The following MRPS28 variants were observed in gnomAD, a reference collection of about 807,000 sequenced individuals.
The protein encoded by MRPS28 is small ribosomal subunit protein bS1m.
In MRPS28, 7 loss-of-function variants were observed where a neutral mutation model predicts 10.8. The ratio of observed to expected loss-of-function variants is 0.65; its 90% confidence interval spans 0.37 to 1.22. MRPS28 has a LOEUF of 1.22. Among genes scored for constraint, MRPS28 ranks in the 50% most tolerant of loss-of-function variants. MRPS28 has a pLI of 0.02. For synonymous variants in MRPS28, 121 were observed against 93.3 expected (o/e 1.30, Z -1.71); for missense variants, 265 against 232.9 (o/e 1.14, Z -0.90).
At chr8:80,029,689 T>C (rs769268719) in intron 1 of MRPS28, 2 of 1,345,088 alleles carry the variant, frequency 1.5e-6, no homozygotes, top group African/African-American at 1.5e-5. Flanking sequence ...CCTCTCCGTG[T>C]GAGTCCCATT....
intron 2 of MRPS28, among the ~76,000 whole-genome samples, chr8:79,921,405 A>G (rs1446300584): frequency 2.6e-5 from 4 of 152,016 alleles, no homozygotes; most frequent in Non-Finnish European, 5.9e-5. Context: ...CACCATATTG[A>G]TTCTTCCTAC....
chr8:79,922,053 C>T (rs1029512441), intron 2 of MRPS28, among the ~76,000 whole-genome samples: 3 of 152,076 alleles, frequency 2.0e-5, no homozygotes, highest in Non-Finnish European at 4.4e-5. Flanking sequence ...TGGTTTTTGT[C>T]GTTGGTTCTG....
intron 2 of MRPS28, among the ~76,000 whole-genome samples, chr8:79,948,918 GCT>G (rs1807005215): frequency 6.6e-6 from 1 of 152,000 alleles, no homozygotes; most frequent in African/African-American, 2.4e-5. Flanking sequence ...TTGGTCTACA[GCT>G]CTCTTTTCTT....
intron 2 of MRPS28, among the ~76,000 whole-genome samples, chr8:79,992,605 C>T (rs1808396758): frequency 6.6e-6 from 1 of 152,204 alleles, no homozygotes; most frequent in African/African-American, 2.4e-5. Flanking sequence ...AGATGTCATA[C>T]AGTTTTTAAA....
At chr8:80,020,360 A>T (rs1809322712) in intron 1 of MRPS28, among the ~76,000 whole-genome samples, 1 of 152,162 alleles carries the variant, frequency 6.6e-6, no homozygotes, top group Admixed American at 6.5e-5. Flanking sequence ...GGCCTGCACT[A>T]GTTTTTCAGG....
intron 2 of MRPS28, among the ~76,000 whole-genome samples, chr8:79,961,850 C>T (rs538806976): frequency 3.3e-5 from 5 of 152,156 alleles, no homozygotes; most frequent in South Asian, 2.1e-4. Flanking sequence ...TTATGCAAGA[C>T]GATTTCACTT....
At chr8:79,996,305 T>C (rs999046280) in intron 2 of MRPS28, among the ~76,000 whole-genome samples, 2 of 152,196 alleles carry the variant, frequency 1.3e-5, no homozygotes, top group African/African-American at 4.8e-5. Flanking sequence ...ACAGATCCAT[T>C]ACAAAACAAA....
intron 2 of MRPS28, among the ~76,000 whole-genome samples, chr8:79,928,556 C>T (rs1303564337): frequency 1.3e-5 from 2 of 151,930 alleles, no homozygotes; most frequent in Non-Finnish European, 2.9e-5. Context: ...TCTTGTGCCT[C>T]AGCCTCCCAA....
chr8:79,927,662 C>A (rs1210115544), intron 2 of MRPS28, among the ~76,000 whole-genome samples: 1 of 152,128 alleles, frequency 6.6e-6, no homozygotes, highest in East Asian at 1.9e-4. Context: ...TCCTCTCAAC[C>A]CCAGGAGGCA....
At position 79,986,209 on chromosome 8, in the gene MRPS28, T is replaced by A. The variant is rs1011585978; in HGVS notation, c.395+16790A>T. ...TATCTCAATAGATGCAGAAAAGGCC[T>A]TTGACAAAAATCAACAACCCTTCAT... On this transcript the variant is annotated intron_variant, in intron 2 of 2. Coordinates refer to ENST00000276585, the MANE Select transcript of MRPS28 (RefSeq NM_014018.3). 7.2e-5 allele frequency among the ~76,000 whole-genome samples: 11 copies of A among 152,340 alleles called. 1 individual carries two copies. The highest frequency in any genetic ancestry group is 5.8e-4 in the East Asian group (3 of 5,192).
rs750727270 is a variant in MRPS28, at chr8:80,028,890, G to A, written c.213+1146C>T. On this transcript the variant is annotated intron_variant, in intron 1 of 2. Transcript: ENST00000276585. ...GCAGGAGGATCACTTGAGCCCAGGG[G>A]GTTTAGCAGTGAACTGAGATCATGC... 4.8e-4 allele frequency: 73 copies of A among 153,220 alleles called. 1 individual carries two copies. The highest frequency in any genetic ancestry group is 3.2e-3 in the Middle Eastern group (3 of 940). The allele number at this position is 153,220 out of a possible 1,614,324, so 9.5% of individuals were successfully genotyped here. A position where few individuals can be genotyped will look rare whatever the true frequency, so the allele number is the denominator to read the frequency against.
chr8:79,945,058 G>A (rs1806872340), intron 2 of MRPS28, among the ~76,000 whole-genome samples: 1 of 151,984 alleles, frequency 6.6e-6, no homozygotes, highest in South Asian at 2.1e-4. Flanking sequence ...TTATCAAGAG[G>A]CATTTTAAAA....
intron 2 of MRPS28, among the ~76,000 whole-genome samples, chr8:79,922,727 CTCAA>C (rs1810128111): frequency 6.6e-6 from 1 of 151,984 alleles, no homozygotes; most frequent in Non-Finnish European, 1.5e-5. Flanking sequence ...GCCTTTCTTC[CTCAA>C]TCAATTATTT....
intron 1 of MRPS28, among the ~76,000 whole-genome samples, chr8:80,015,626 C>A (rs1250853970): frequency 2.0e-5 from 3 of 152,074 alleles, no homozygotes; most frequent in Non-Finnish European, 2.9e-5. Flanking sequence ...ATACATCATG[C>A]CCAGCTATCA....
chr8:80,001,796 A>G (rs1337923633), intron 2 of MRPS28, among the ~76,000 whole-genome samples: 2 of 152,212 alleles, frequency 1.3e-5, no homozygotes, highest in African/African-American at 4.8e-5. Flanking sequence ...AACACTGTTC[A>G]GCTTCTGGTT....
intron 2 of MRPS28, among the ~76,000 whole-genome samples, chr8:79,996,584 T>C (rs1808506744): frequency 6.6e-6 from 1 of 152,216 alleles, no homozygotes; most frequent in South Asian, 2.1e-4. Context: ...CCTCATGACC[T>C]AAGTACCTCC....
intron 2 of MRPS28, among the ~76,000 whole-genome samples, chr8:79,934,013 TTG>T (rs1806538515): frequency 6.6e-6 from 1 of 152,214 alleles, no homozygotes; most frequent in Non-Finnish European, 1.5e-5. Context: ...CTTTTAATGA[TTG>T]TGTTTCTTGT....
chr8:79,982,888 T>C (rs1808010351), intron 2 of MRPS28, among the ~76,000 whole-genome samples: 1 of 151,064 alleles, frequency 6.6e-6, no homozygotes, highest in Admixed American at 6.6e-5. Flanking sequence ...TAAATGTCCC[T>C]GTCTGACAGC....
intron 2 of MRPS28, among the ~76,000 whole-genome samples, chr8:80,001,453 G>C (rs1034451964): frequency 2.6e-5 from 4 of 152,016 alleles, no homozygotes; most frequent in African/African-American, 9.7e-5. Flanking sequence ...GTCATCATTA[G>C]GTCACCAGGA....
Sources: gnomAD v4.1 joint callset for allele counts (sites outside exome capture counted in the v4.1 genomes callset) on GRCh38, gnomAD v4.1.1 for gene constraint, MANE v1.5 for transcripts, NCBI Gene and HGNC (gene_info 2026-07-23, HGNC 2026-07-21) for gene names.